LUZP2: variants seen among roughly 807,000 people sequenced by gnomAD.
The protein encoded by LUZP2 is leucine zipper protein 2.
LUZP2 carries 52 observed loss-of-function variants against 51.6 expected under a neutral mutation model. The observed-to-expected ratio is 1.01, with a 90% CI of 0.81 to 1.27. The LOEUF is 1.27. Among genes scored for constraint, LUZP2 ranks in the 50% most tolerant of loss-of-function variants. The probability of loss-of-function intolerance (pLI) is 0.00; values close to 1 mark genes in which losing one functional copy is unlikely to be tolerated. For missense variants in LUZP2, 436 were observed against 395.4 expected, an observed-to-expected ratio of 1.10 and a Z score of -0.87; for synonymous variants, 154 against 137.3, an observed-to-expected ratio of 1.12 and a Z score of -0.85.
intron 5 of LUZP2, among the ~76,000 whole-genome samples, chr11:24,875,232 C>G (rs1852210669): frequency 6.7e-6 from 1 of 148,782 alleles, no homozygotes; most frequent in Non-Finnish European, 1.5e-5. Flanking sequence ...AGGTATATCT[C>G]CTAAAGCTAT....
chr11:25,017,845 A>T (rs1857201182), intron 9 of LUZP2, among the ~76,000 whole-genome samples: 1 of 152,132 alleles, frequency 6.6e-6, no homozygotes. Context: ...TAGGAATTGC[A>T]CTGCATCTGT....
At chr11:24,849,521 C>T (rs774918947) in intron 5 of LUZP2, among the ~76,000 whole-genome samples, 13 of 152,124 alleles carry the variant, frequency 8.5e-5, no homozygotes, top group Non-Finnish European at 1.5e-4. Flanking sequence ...TCTTCATAGT[C>T]TATCATTCAT....
intron 1 of LUZP2, among the ~76,000 whole-genome samples, chr11:24,640,705 C>T (rs1590281288): frequency 6.6e-6 from 1 of 151,612 alleles, no homozygotes; most frequent in Non-Finnish European, 1.5e-5. Flanking sequence ...TTGGAATTTG[C>T]TTGAGGATTC....
chr11:24,968,425 C>T (rs752716129), intron 7 of LUZP2, among the ~76,000 whole-genome samples: 1 of 152,158 alleles, frequency 6.6e-6, no homozygotes, highest in Non-Finnish European at 1.5e-5. Flanking sequence ...AGTTTGCCAA[C>T]AACTCTTTAG....
At chr11:25,070,827 T>C (rs1026856849) in intron 10 of LUZP2, among the ~76,000 whole-genome samples, 9 of 147,244 alleles carry the variant, frequency 6.1e-5, no homozygotes, top group Admixed American at 5.5e-4. Flanking sequence ...TACTGAAGGC[T>C]AAAATTATAA....
chr11:24,649,976 GACACACACAC>G (rs138976467), intron 1 of LUZP2, among the ~76,000 whole-genome samples: 2 of 146,902 alleles, frequency 1.4e-5, no homozygotes, highest in Non-Finnish European at 3.0e-5. Flanking sequence ...TACACACAGA[GACACACACAC>G]ACACACACAC....
chr11:24,934,764 C>T (rs1298599150), intron 7 of LUZP2, among the ~76,000 whole-genome samples: 1 of 152,126 alleles, frequency 6.6e-6, no homozygotes, highest in East Asian at 1.9e-4. Context: ...ATATGATGCT[C>T]TTCTCCATTG....
chr11:24,929,482 A>G (rs930981890), intron 7 of LUZP2, among the ~76,000 whole-genome samples: 1 of 152,214 alleles, frequency 6.6e-6, no homozygotes, highest in African/African-American at 2.4e-5. Flanking sequence ...TTACCCAGTG[A>G]TCATTGAGGA....
intron 9 of LUZP2, among the ~76,000 whole-genome samples, chr11:25,024,944 A>G (rs1397910718): frequency 6.6e-6 from 1 of 151,086 alleles, no homozygotes. Flanking sequence ...GTACCAAAAC[A>G]GAGATATAGA....
chr11:24,514,924 G>A (rs1850418431), intron 1 of LUZP2, among the ~76,000 whole-genome samples: 1 of 152,144 alleles, frequency 6.6e-6, no homozygotes, highest in African/African-American at 2.4e-5. Context: ...CTTTTTACAT[G>A]ACTTTAGGTC....
intron 1 of LUZP2, among the ~76,000 whole-genome samples, chr11:24,686,833 T>C (rs939446531): frequency 2.6e-5 from 4 of 152,150 alleles, no homozygotes; most frequent in African/African-American, 9.7e-5. Context: ...CTTCAACATT[T>C]TATGTTAAAG....
intron 7 of LUZP2, among the ~76,000 whole-genome samples, chr11:24,926,623 A>G (rs1056790029): frequency 4.2e-5 from 6 of 142,790 alleles, no homozygotes; most frequent in African/African-American, 1.0e-4. Context: ...GTATATATAT[A>G]TGTGTGTATA....
At chr11:24,533,723 T>G (rs1284046801) in intron 1 of LUZP2, among the ~76,000 whole-genome samples, 2 of 151,342 alleles carry the variant, frequency 1.3e-5, no homozygotes, top group Admixed American at 6.6e-5. Context: ...TTTGCTTTTG[T>G]ACGAGTTCTT....
intron 5 of LUZP2, among the ~76,000 whole-genome samples, chr11:24,866,324 T>A (rs57469930): frequency 0.23 from 35,273 of 152,042 alleles, 4,391 homozygotes; most frequent in African/African-American, 0.32. Flanking sequence ...CTCATGGGCA[T>A]AATTTTCTGT....
At chr11:24,919,441 T>G (rs1438727454) in intron 7 of LUZP2, among the ~76,000 whole-genome samples, 1 of 116,564 alleles carries the variant, frequency 8.6e-6, no homozygotes, top group Non-Finnish European at 1.7e-5. Flanking sequence ...TGTTATATAT[T>G]ATATATGACA....
chr11:24,498,373 T>C (rs1849893938), intron 1 of LUZP2, among the ~76,000 whole-genome samples: 1 of 152,216 alleles, frequency 6.6e-6, no homozygotes, highest in Non-Finnish European at 1.5e-5. Context: ...TTACTCTGTC[T>C]TACAAATCAA....
At chr11:24,921,539 T>C (rs1378448029) in intron 7 of LUZP2, among the ~76,000 whole-genome samples, 3 of 152,158 alleles carry the variant, frequency 2.0e-5, no homozygotes, top group Admixed American at 1.3e-4. Context: ...ATGTGCGTAT[T>C]ACAGCTTGCC....
At chr11:24,784,673 C>T (rs1849188498) in intron 5 of LUZP2, among the ~76,000 whole-genome samples, 1 of 151,886 alleles carries the variant, frequency 6.6e-6, no homozygotes, top group African/African-American at 2.4e-5. Context: ...AGAGTGAGTC[C>T]TCCAGTAAAA....
chr11:24,647,984 T>A (rs1036639099), intron 1 of LUZP2, among the ~76,000 whole-genome samples: 3 of 151,918 alleles, frequency 2.0e-5, no homozygotes, highest in African/African-American at 7.2e-5. Context: ...TTTTCTATCA[T>A]TACTCACTGG....
Sources: gnomAD v4.1 joint callset for allele counts (sites outside exome capture counted in the v4.1 genomes callset) on GRCh38, gnomAD v4.1.1 for gene constraint, MANE v1.5 for transcripts, NCBI Gene and HGNC (gene_info 2026-07-23, HGNC 2026-07-21) for gene names.